KCNAB2: variants seen among roughly 807,000 people sequenced by gnomAD.
KCNAB2 encodes voltage-gated potassium channel subunit beta-2.
Under a neutral mutation model 63.6 loss-of-function variants are expected in KCNAB2, and 29 were observed. The ratio of observed to expected loss-of-function variants is 0.46; its 90% CI spans 0.34 to 0.62. The LOEUF (loss-of-function observed/expected upper bound fraction) is 0.62. KCNAB2 is among the 20% of genes least tolerant of loss of function. KCNAB2 has a pLI of 0.01. For synonymous variants in KCNAB2, 222 were observed against 224.2 expected, an observed-to-expected ratio of 0.99 and a Z score of 0.09; for missense variants, 359 against 563.9, an observed-to-expected ratio of 0.64 and a Z score of 3.68.
rs1395495558 is a variant in KCNAB2, at chr1:6,028,975, G to T, written c.-52-11542G>T. Among the ~76,000 whole-genome samples, 2 of 152,198 alleles carry T rather than the reference G, an allele frequency of 1.3e-5. No homozygotes were observed. The highest frequency in any genetic ancestry group is 4.8e-5 in the African/African-American group (2 of 41,444). ...TAAGCGCCACAAGTCCCGCCATGAC[G>T]CCCTGAGGCGTGGGTTCACACTTGG... On this transcript the variant is annotated intron_variant, in intron 1 of 16. Transcript: ENST00000341524. The surrounding 1 kb of genome is among the most constrained non-coding windows in gnomAD (Gnocchi z 4.0).
chr1:6,057,121 G>C (rs1661903840), intron 2 of KCNAB2, among the ~76,000 whole-genome samples: 1 of 150,606 alleles, frequency 6.6e-6, no homozygotes, highest in Non-Finnish European at 1.5e-5. Context: ...ATCCTAGATG[G>C]TGGGAAGACA....
chr1:6,086,505 G>C lies in KCNAB2; in HGVS notation c.426-962G>C. ...AGAGGAGGCCTCCTACTCCAGCCTC[G>C]TGAGCTGCTTCCCTGAGCAGCCCGG... is the stretch of plus-strand genomic sequence containing the variant. On this transcript the variant is annotated intron_variant, in intron 6 of 15. Coordinates refer to ENST00000378083, the MANE Select transcript of KCNAB2 (RefSeq NM_001199862.2). The surrounding 1 kb of genome is among the most constrained non-coding windows in gnomAD (Gnocchi z 4.2). 1 of 527,356 alleles carries C rather than the reference G, an allele frequency of 1.9e-6. No homozygotes were observed. Among genetic ancestry groups the C allele is most frequent in the Non-Finnish European group, 2.4e-6 (1 of 411,734 alleles). 32.7% of individuals were successfully genotyped at this position (527,356 alleles called of 1,614,324 possible). A position where few individuals can be genotyped will look rare whatever the true frequency, so the allele number is the denominator to read the frequency against.
intron 12 of KCNAB2, 22 bp downstream of exon 12, chr1:6,095,465 G>GCCC: frequency 3.0e-5 from 47 of 1,585,990 alleles, no homozygotes; most frequent in Non-Finnish European, 3.5e-5. Context: ...CGGGCCCCTC[G>GCCC]CCCCGCCCCA....
rs1185875761 is a variant in KCNAB2, at chr1:6,003,513, C to T, written c.-53+10725C>T. Among the ~76,000 whole-genome samples, 1 of 152,238 alleles carries T rather than the reference C, an allele frequency of 6.6e-6. No homozygotes were observed. The highest frequency in any genetic ancestry group is 1.5e-5 in the Non-Finnish European group (1 of 68,036). On this transcript the variant is annotated intron_variant, in intron 1 of 16. Coordinates refer to the KCNAB2 transcript ENST00000341524. This position sits in a 1 kb window ranked among gnomAD's most constrained non-coding sequence, Gnocchi z 4.1. ...CACTGAGTGGCCACATTATACCCTCCCGTTTGTCTATAGTTCACTTAAACA... is the reference window on the plus strand; with the variant it reads ...CACTGAGTGGCCACATTATACCCTCTCGTTTGTCTATAGTTCACTTAAACA...
At chr1:6,033,912 C>T (rs774008037), upstream of KCNAB2, among the ~76,000 whole-genome samples, 1 of 152,188 alleles carries the variant, frequency 6.6e-6, no homozygotes, top group African/African-American at 2.4e-5. Flanking sequence ...CCAGGTCACA[C>T]GCAGACCAAG....
At chr1:6,040,665 C>A in intron 2 of KCNAB2, 1 of 1,484,082 alleles carries the variant, frequency 6.7e-7, no homozygotes, top group Non-Finnish European at 9.4e-7. Context: ...TGCCCCCTCA[C>A]CCAGGCCCCC....
At chr1:6,088,957 C>G (rs1298520910) in intron 7 of KCNAB2, 51 bp from the exon 8 acceptor site, 1 of 1,530,312 alleles carries the variant, frequency 6.5e-7, no homozygotes, top group South Asian at 1.2e-5. Context: ...TGGGAGGGGC[C>G]AGGGTGCCAA....
intron 1 of KCNAB2, among the ~76,000 whole-genome samples, chr1:5,997,153 G>A (rs996882547): frequency 5.9e-5 from 9 of 152,150 alleles, no homozygotes; most frequent in African/African-American, 1.9e-4. Flanking sequence ...CGGACGAGGC[G>A]CCCCAGCCAC....
intron 1 of KCNAB2, among the ~76,000 whole-genome samples, chr1:6,049,419 G>A (rs989450816): frequency 6.6e-6 from 1 of 152,208 alleles, no homozygotes. Flanking sequence ...GGATGATGGC[G>A]AGCGCCATGG....
At chr1:6,008,473 T>C (rs1439747147) in intron 1 of KCNAB2, among the ~76,000 whole-genome samples, 1 of 151,832 alleles carries the variant, frequency 6.6e-6, no homozygotes, top group Non-Finnish European at 1.5e-5. Flanking sequence ...ATACAAAAAT[T>C]ACCCAGGCAT....
At chr1:6,061,779 C>T (rs547281084) in intron 2 of KCNAB2, among the ~76,000 whole-genome samples, 1 of 152,204 alleles carries the variant, frequency 6.6e-6, no homozygotes, top group African/African-American at 2.4e-5. Context: ...TTACCCTCCA[C>T]CCCACCTTAT....
intron 1 of KCNAB2, among the ~76,000 whole-genome samples, chr1:6,022,358 G>A (rs778150069): frequency 1.3e-5 from 2 of 150,444 alleles, no homozygotes; most frequent in Admixed American, 1.3e-4. Flanking sequence ...TGTACAGTTC[G>A]GTGGTATTAA....
rs371869449 is a variant in KCNAB2, at chr1:6,028,873, G to A, written c.-52-11644G>A. Reference sequence around the variant, plus strand: ...ACAAGGTGATCATTCTTAAGACCTCGGGGATCTGCAAACCAGCCTTCTGGA... The same window carrying A: ...ACAAGGTGATCATTCTTAAGACCTCAGGGATCTGCAAACCAGCCTTCTGGA... On this transcript the variant is annotated intron_variant, in intron 1 of 16. Coordinates refer to the KCNAB2 transcript ENST00000341524. This position sits in a 1 kb window ranked among gnomAD's most constrained non-coding sequence, Gnocchi z 4.0. 1.8e-4 allele frequency among the ~76,000 whole-genome samples: 27 copies of A among 152,336 alleles called. 1 individual carries two copies. Among genetic ancestry groups the A allele is most frequent in the East Asian group, 1.2e-3 (6 of 5,190 alleles).
At chr1:6,058,363 C>T (rs970676856) in intron 2 of KCNAB2, among the ~76,000 whole-genome samples, 8 of 152,216 alleles carry the variant, frequency 5.3e-5, no homozygotes, top group Non-Finnish European at 1.2e-4. Flanking sequence ...CTTGAGCCTG[C>T]GGGGACATCC....
In KCNAB2 at chr1:6,008,635, A is replaced by AG. The variant is rs1657967978; in HGVS notation, c.-53+15847_-53+15848insG. On this transcript the variant is annotated intron_variant, in intron 1 of 16. Transcript: ENST00000341524. Reference sequence around the variant, plus strand: ...GCGAGACTGTCTCAAAAAAAAAAAAAAAGGATCACTCAGGACACCAACATG... The same window carrying AG: ...GCGAGACTGTCTCAAAAAAAAAAAAAGAAGGATCACTCAGGACACCAACATG... Among the ~76,000 whole-genome samples the AG allele has an allele frequency of 3.3e-5, 5 of 151,620 alleles. No homozygotes were observed. In the South Asian group the frequency reaches 1.0e-3, roughly 32 times the overall value.
intron 8 of KCNAB2, 135 bp from the exon 9 acceptor site, chr1:6,090,254 A>T: frequency 1.7e-6 from 1 of 588,434 alleles, no homozygotes; most frequent in South Asian, 2.2e-5. Flanking sequence ...CACGACCTCC[A>T]TCAGCTTCTG....
intron 1 of KCNAB2, among the ~76,000 whole-genome samples, chr1:6,047,516 TC>T (rs892612539): frequency 6.7e-6 from 1 of 150,272 alleles, no homozygotes; most frequent in Non-Finnish European, 1.5e-5. Context: ...GGCATGGGAG[TC>T]CCCCCCACAC....
chr1:6,084,610 G>A (rs1218855957), intron 5 of KCNAB2, among the ~76,000 whole-genome samples: 2 of 152,144 alleles, frequency 1.3e-5, no homozygotes, highest in African/African-American at 2.4e-5. Context: ...GAGATGAGGA[G>A]TTCGAGACCA....
intron 1 of KCNAB2, among the ~76,000 whole-genome samples, chr1:6,014,513 A>AT (rs1391910785): frequency 6.6e-6 from 1 of 152,262 alleles, no homozygotes; most frequent in Non-Finnish European, 1.5e-5. Flanking sequence ...TCAAAAATAA[A>AT]TGAGGCAAAA....
Sources: gnomAD v4.1 joint callset for allele counts (sites outside exome capture counted in the v4.1 genomes callset) on GRCh38, gnomAD v4.1.1 for gene constraint, Gnocchi (gnomAD v3.1) non-coding constraint, MANE v1.5 for transcripts, NCBI Gene and HGNC (gene_info 2026-07-23, HGNC 2026-07-21) for gene names.